Variants in TBXAS1 observed in about 807,000 individuals in gnomAD.
TBXAS1 encodes the protein thromboxane-A synthase.
A neutral mutation model predicts 60.7 loss-of-function variants in TBXAS1; 48 were observed. The ratio of observed to expected loss-of-function variants is 0.79; its 90% CI spans 0.63 to 1.01. The LOEUF (loss-of-function observed/expected upper bound fraction) is 1.01, where lower values mean the gene tolerates loss of function less well. Ranked by LOEUF, TBXAS1 falls within the 50% of genes least tolerant of loss-of-function variation. The probability of loss-of-function intolerance (pLI) is 0.00; values close to 1 mark genes in which losing one functional copy is unlikely to be tolerated. For missense variants in TBXAS1, 685 were observed against 686.3 expected, an observed-to-expected ratio of 1.00 and a Z score of 0.02; for synonymous variants, 287 against 269.7, an observed-to-expected ratio of 1.06 and a Z score of -0.63.
At chr7:139,812,529 C>A (rs1798043272) in intron 4 of TBXAS1, among the ~76,000 whole-genome samples, 1 of 152,112 alleles carries the variant, frequency 6.6e-6, no homozygotes, top group Admixed American at 6.6e-5. Context: ...ACGTCCTTTG[C>A]CTTGGGTCGT....
intron 4 of TBXAS1, among the ~76,000 whole-genome samples, chr7:139,803,335 C>T (rs1797766490): frequency 6.6e-6 from 1 of 152,088 alleles, no homozygotes; most frequent in South Asian, 2.1e-4. Context: ...TTGCCCCTGC[C>T]CTAGAGATCT....
At chr7:139,889,731 C>T (rs1317043147) in intron 3 of TBXAS1, among the ~76,000 whole-genome samples, 2 of 152,200 alleles carry the variant, frequency 1.3e-5, no homozygotes, top group African/African-American at 4.8e-5. Flanking sequence ...CTCCCTAGGG[C>T]CTCCTTTATA....
intron 3 of TBXAS1, among the ~76,000 whole-genome samples, chr7:139,887,444 G>A (rs904676816): frequency 5.9e-5 from 9 of 151,828 alleles, no homozygotes; most frequent in South Asian, 2.1e-4. Flanking sequence ...TCCTCCCCCA[G>A]GCCCTGACAA....
At position 139,911,084 on chromosome 7, in the gene TBXAS1, G is replaced by A. The variant is rs1229005591; in HGVS notation, c.237-141G>A. The A allele has an allele frequency of 5.3e-6, 4 of 761,736 alleles. No individual in the cohort carries two copies. In the Admixed American group the frequency reaches 6.0e-5, roughly 11 times the overall value. The allele number at this position is 761,736 out of a possible 1,614,324, so 47.2% of individuals were successfully genotyped here. A position where few individuals can be genotyped will look rare whatever the true frequency, so the allele number is the denominator to read the frequency against. The stretch of plus-strand genomic sequence containing the variant: ...CACAGCTATATGGTTGCTTATGATT[G>A]GAACATATGTTTCCTCATCGTCTCC... On this transcript the variant is annotated intron_variant, in intron 3 of 12. Transcript: ENST00000448866.
At chr7:139,830,991 G>A (rs1230464190) in intron 1 of TBXAS1, among the ~76,000 whole-genome samples, 1 of 151,796 alleles carries the variant, frequency 6.6e-6, no homozygotes, top group African/African-American at 2.4e-5. Flanking sequence ...TCTATTCTTG[G>A]GCCATATTAA....
At chr7:139,817,106 C>T (rs1416421266) in intron 4 of TBXAS1, among the ~76,000 whole-genome samples, 1 of 152,178 alleles carries the variant, frequency 6.6e-6, no homozygotes, top group Admixed American at 6.5e-5. Context: ...GAATCCTCCT[C>T]CACCGATCAC....
At chr7:139,839,948 C>A (rs563772677) in intron 1 of TBXAS1, among the ~76,000 whole-genome samples, 1 of 142,438 alleles carries the variant, frequency 7.0e-6, no homozygotes, top group Non-Finnish European at 1.5e-5. Flanking sequence ...CACACCACTG[C>A]ACTCCAGCCT....
At chr7:139,950,873 C>CCCCCTCGCCCTCCATCTACAGGAT (rs1809198658) in intron 5 of TBXAS1, among the ~76,000 whole-genome samples, 3 of 141,472 alleles carry the variant, frequency 2.1e-5, no homozygotes, top group African/African-American at 7.9e-5. Context: ...ATCTACGGGA[C>CCCCCTCGCCCTCCATCTACAGGAT]CCCCTCGCCC....
chr7:139,982,206 T>G (rs1271192684), intron 9 of TBXAS1, among the ~76,000 whole-genome samples: 1 of 152,278 alleles, frequency 6.6e-6, no homozygotes, highest in African/African-American at 2.4e-5. Flanking sequence ...ATTGTATATC[T>G]GAAATTCACA....
At chr7:139,879,554 C>T (rs1402433861) in intron 3 of TBXAS1, among the ~76,000 whole-genome samples, 1 of 151,972 alleles carries the variant, frequency 6.6e-6, no homozygotes, top group Non-Finnish European at 1.5e-5. Context: ...AGAACAGAAT[C>T]AACATTATCG....
intron 2 of TBXAS1, among the ~76,000 whole-genome samples, chr7:139,874,126 T>C (rs1030918098): frequency 6.6e-6 from 1 of 152,198 alleles, no homozygotes; most frequent in African/African-American, 2.4e-5. Flanking sequence ...CCTTCTCCTC[T>C]CATCTCTCTC....
intron 5 of TBXAS1, among the ~76,000 whole-genome samples, chr7:139,939,794 C>T (rs1808133229): frequency 6.6e-6 from 1 of 151,982 alleles, no homozygotes; most frequent in Non-Finnish European, 1.5e-5. Flanking sequence ...GGAAGAACAG[C>T]CTGAAATGGA....
chr7:140,011,836 C>CTATATATATATA (rs3831720), intron 10 of TBXAS1, among the ~76,000 whole-genome samples: 11 of 150,438 alleles, frequency 7.3e-5, no homozygotes, highest in African/African-American at 2.7e-4. Context: ...ATTTTATGTT[C>CTATATATATATA]TATATATATA....
intron 4 of TBXAS1, among the ~76,000 whole-genome samples, chr7:139,798,303 A>C (rs1797622682): frequency 6.6e-6 from 1 of 152,160 alleles, no homozygotes; most frequent in Non-Finnish European, 1.5e-5. Context: ...GATGCCAAGG[A>C]GAGGGAGAAA....
intron 4 of TBXAS1, among the ~76,000 whole-genome samples, chr7:139,793,535 A>G (rs1419389460): frequency 6.6e-6 from 1 of 152,172 alleles, no homozygotes. Flanking sequence ...AAAAACAAAC[A>G]AGGGAGTGTA....
In TBXAS1 at chr7:139,999,318, A is replaced by T; in HGVS notation, c.1135-7773A>T. 6.6e-6 allele frequency among the ~76,000 whole-genome samples: 1 copy of T among 152,230 alleles called. No individual in the cohort carries two copies. On this transcript the variant is annotated intron_variant, in intron 9 of 12. Coordinates refer to ENST00000448866, the MANE Select transcript of TBXAS1 (RefSeq NM_001061.7). The surrounding 1 kb of genome is among the most constrained non-coding windows in gnomAD (Gnocchi z 4.3). ...GGTGGGTGAATCACCTGAGGTCAGG[A>T]GTTCAAGACCAGCCTGGCCAACATG...
upstream of TBXAS1, among the ~76,000 whole-genome samples, chr7:139,825,647 G>T (rs768158266): frequency 6.6e-6 from 1 of 152,202 alleles, no homozygotes; most frequent in Non-Finnish European, 1.5e-5. Context: ...GATGTGAGGG[G>T]CACGTTCTAA....
upstream of TBXAS1, among the ~76,000 whole-genome samples, chr7:139,826,738 G>C (rs1798447143): frequency 6.6e-6 from 1 of 152,170 alleles, no homozygotes; most frequent in Admixed American, 6.5e-5. Flanking sequence ...AAAGCTCCTA[G>C]AATAACTAGT....
intron 1 of TBXAS1, among the ~76,000 whole-genome samples, chr7:139,871,957 G>C (rs1296117049): frequency 6.6e-6 from 1 of 152,206 alleles, no homozygotes; most frequent in Non-Finnish European, 1.5e-5. Flanking sequence ...TTCTAGGTCA[G>C]AGAGGGGCAG....
Sources: allele counts gnomAD v4.1 joint callset (sites outside exome capture counted in the v4.1 genomes callset), GRCh38; gene constraint gnomAD v4.1.1; non-coding constraint Gnocchi (gnomAD v3.1); transcripts MANE v1.5; gene names NCBI Gene and HGNC (gene_info 2026-07-23, HGNC 2026-07-21).